DCC: variants seen among roughly 807,000 people sequenced by gnomAD.
The protein encoded by DCC is netrin receptor DCC.
DCC carries 58 observed loss-of-function variants against 172.5 expected under a neutral mutation model. That is an observed-to-expected ratio of 0.34 (90% CI 0.27 to 0.42). The LOEUF is 0.42. Among genes scored for constraint, DCC ranks in the 10% least tolerant of loss-of-function variants. The pLI is 1.00. For synonymous variants in DCC, 709 were observed against 644.5 expected, an observed-to-expected ratio of 1.10 and a Z score of -1.52; for missense variants, 1,740 against 1,791.0, an observed-to-expected ratio of 0.97 and a Z score of 0.51.
intron 2 of DCC, among the ~76,000 whole-genome samples, chr18:52,885,839 T>TGAC (rs762793645): frequency 2.6e-5 from 4 of 152,220 alleles, no homozygotes; most frequent in Non-Finnish European, 5.9e-5. Context: ...CTGTTGGTTA[T>TGAC]TAAGGGCTTA....
chr18:52,741,475 C>T (rs181429660), intron 1 of DCC, among the ~76,000 whole-genome samples: 141 of 152,240 alleles, frequency 9.3e-4, no homozygotes, highest in African/African-American at 2.7e-3. Context: ...GGATGTGCTA[C>T]GTCCCTCTAC....
At chr18:52,725,549 G>A (rs1336635896) in intron 1 of DCC, among the ~76,000 whole-genome samples, 2 of 152,174 alleles carry the variant, frequency 1.3e-5, no homozygotes, top group South Asian at 2.1e-4. Flanking sequence ...TAGGCAGTGG[G>A]AGAAGCTGAA....
At chr18:52,476,340 C>T (rs889938789) in intron 1 of DCC, among the ~76,000 whole-genome samples, 12 of 151,976 alleles carry the variant, frequency 7.9e-5, no homozygotes, top group African/African-American at 2.4e-4. Flanking sequence ...TTTAGATTTG[C>T]GATTGTTTAG....
chr18:53,297,817 C>T (rs1236628700), intron 12 of DCC, among the ~76,000 whole-genome samples: 1 of 152,184 alleles, frequency 6.6e-6, no homozygotes, highest in Non-Finnish European at 1.5e-5. Context: ...GTATCATCTA[C>T]TAAAGAACCT....
intron 12 of DCC, among the ~76,000 whole-genome samples, chr18:53,226,948 A>ATATATATATATATATATATATATTTTTTT: frequency 1.9e-5 from 1 of 52,950 alleles, no homozygotes; most frequent in African/African-American, 9.4e-5. Context: ...ATATATATAT[A>ATATATATATATATATATATATATTTTTTT]TTTTTTTTTT....
chr18:52,521,951 T>A (rs949724884), intron 1 of DCC, among the ~76,000 whole-genome samples: 1 of 152,068 alleles, frequency 6.6e-6, no homozygotes, highest in Non-Finnish European at 1.5e-5. Context: ...TTAGGCAAAA[T>A]CTATCAAGCC....
intron 2 of DCC, among the ~76,000 whole-genome samples, chr18:52,779,430 T>C (rs1187936383): frequency 2.0e-5 from 3 of 151,212 alleles, no homozygotes; most frequent in African/African-American, 7.3e-5. Flanking sequence ...CTGTGTTAGT[T>C]TGCTGAGAAT....
At chr18:52,388,575 T>C (rs1382325644) in intron 1 of DCC, among the ~76,000 whole-genome samples, 1 of 151,478 alleles carries the variant, frequency 6.6e-6, no homozygotes, top group Non-Finnish European at 1.5e-5. Context: ...TTAGAATGTG[T>C]AGGGGAAAAA....
intron 5 of DCC, among the ~76,000 whole-genome samples, chr18:53,004,684 TTTTGTTTGTTTG>T (rs143161043): frequency 1.3e-5 from 2 of 151,464 alleles, no homozygotes; most frequent in Admixed American, 6.6e-5. Flanking sequence ...CAAGATCTGT[TTTTGTTTGTTTG>T]TTTGTTTGTT....
intron 2 of DCC, among the ~76,000 whole-genome samples, chr18:52,899,147 T>A (rs2039774472): frequency 6.6e-6 from 1 of 151,986 alleles, no homozygotes; most frequent in African/African-American, 2.4e-5. Context: ...TTCTCCTATT[T>A]TATTATTTAT....
Position 53,301,238 on chromosome 18 carries a change from C to T in DCC, c.1912-4340C>T, listed in dbSNP as rs112075311. Among the ~76,000 whole-genome samples the T allele has an allele frequency of 4.8e-3, 727 of 151,620 alleles. 9 individuals are homozygous for T. The highest frequency in any genetic ancestry group is 0.017 in the African/African-American group (696 of 41,354). ...CCAAGTAGGTGGGATTACAGGCATG[C>T]GCTACCACGCCTGGCTAATTTTGTA... On this transcript the variant is annotated intron_variant, in intron 12 of 28. Coordinates refer to ENST00000442544, the MANE Select transcript of DCC (RefSeq NM_005215.4).
intron 1 of DCC, among the ~76,000 whole-genome samples, chr18:52,497,278 A>AT (rs2030807911): frequency 6.6e-5 from 4 of 60,956 alleles, no homozygotes; most frequent in African/African-American, 3.2e-4. Flanking sequence ...AAAAAAAAAA[A>AT]AAATATATAT....
At chr18:52,588,497 T>C (rs1351192779) in intron 1 of DCC, among the ~76,000 whole-genome samples, 1 of 152,182 alleles carries the variant, frequency 6.6e-6, no homozygotes, top group East Asian at 1.9e-4. Context: ...AAAATCAAAA[T>C]GCTGCCTACT....
rs148347043 is a variant in DCC, at chr18:52,824,967, C to CATATATATAT, written c.412+72600_412+72609dup. Reference sequence around the variant, plus strand: ...CCTGGGCAACAGAGCGAGACTCCCTCATATATATATATATATGTCTTGACT... The same window carrying CATATATATAT: ...CCTGGGCAACAGAGCGAGACTCCCTCATATATATATATATATATATATATATGTCTTGACT... On this transcript the variant is annotated intron_variant, in intron 2 of 28. Coordinates refer to ENST00000442544, the MANE Select transcript of DCC (RefSeq NM_005215.4). Among the ~76,000 whole-genome samples, 827 of 148,356 alleles carry CATATATATAT rather than the reference C, an allele frequency of 5.6e-3. 9 individuals carry two copies. The highest frequency in any genetic ancestry group is 0.019 in the African/African-American group (787 of 40,706).
chr18:52,801,896 T>A (rs1160917696), intron 2 of DCC, among the ~76,000 whole-genome samples: 1 of 152,224 alleles, frequency 6.6e-6, no homozygotes, highest in African/African-American at 2.4e-5. Flanking sequence ...TGTGCTTGTC[T>A]GTTCAAAAAA....
intron 7 of DCC, among the ~76,000 whole-genome samples, chr18:53,079,549 C>T (rs766565510): frequency 2.6e-5 from 4 of 152,096 alleles, no homozygotes; most frequent in African/African-American, 4.8e-5. Flanking sequence ...TCTGAATGCA[C>T]GTGTTAAGTG....
chr18:52,783,721 A>T (rs773261141), intron 2 of DCC, among the ~76,000 whole-genome samples: 3 of 151,972 alleles, frequency 2.0e-5, no homozygotes, highest in African/African-American at 4.8e-5. Flanking sequence ...TATAGTATAT[A>T]TGTGTGTGTA....
chr18:52,974,987 A>C (rs183240400), intron 5 of DCC, among the ~76,000 whole-genome samples: 1 of 152,180 alleles, frequency 6.6e-6, no homozygotes, highest in Admixed American at 6.5e-5. Context: ...TTTCTACTCT[A>C]TATTATACTC....
At chr18:52,416,731 T>A in intron 1 of DCC, among the ~76,000 whole-genome samples, 1 of 151,786 alleles carries the variant, frequency 6.6e-6, no homozygotes, top group Non-Finnish European at 1.5e-5. Flanking sequence ...GCTTGGTAGA[T>A]CTTCCTCCAT....
Sources: gnomAD v4.1 joint callset for allele counts (sites outside exome capture counted in the v4.1 genomes callset) on GRCh38, gnomAD v4.1.1 for gene constraint, MANE v1.5 for transcripts, NCBI Gene and HGNC (gene_info 2026-07-23, HGNC 2026-07-21) for gene names.